The following DNAJC5B variants were observed in gnomAD, a reference collection of about 807,000 sequenced individuals.
DNAJC5B encodes the protein DnaJ heat shock protein family (Hsp40) member C5 beta.
Under a neutral mutation model 24.7 loss-of-function variants are expected in DNAJC5B, and 23 were observed. The observed-to-expected ratio is 0.93, with a 90% confidence interval of 0.67 to 1.32. The LOEUF (loss-of-function observed/expected upper bound fraction) is 1.32, where lower values mean the gene tolerates loss of function less well. DNAJC5B is among the 40% of genes most tolerant of loss of function. The probability of loss-of-function intolerance (pLI) is 0.00; values close to 1 mark genes in which losing one functional copy is unlikely to be tolerated. For missense variants in DNAJC5B, 238 were observed against 240.8 expected, an observed-to-expected ratio of 0.99 and a Z score of 0.08; for synonymous variants, 101 against 90.1, an observed-to-expected ratio of 1.12 and a Z score of -0.68.
chr8:66,074,935 A>G (rs2128963493), intron 3 of DNAJC5B, among the ~76,000 whole-genome samples: 1 of 152,288 alleles, frequency 6.6e-6, no homozygotes, highest in South Asian at 2.1e-4. Context: ...CATTGTTAGG[A>G]GTGTGATAAA....
chr8:66,088,604 C>A (rs1018407713), intron 5 of DNAJC5B, among the ~76,000 whole-genome samples: 3 of 152,170 alleles, frequency 2.0e-5, no homozygotes, highest in Admixed American at 6.5e-5. Context: ...ACACATATAA[C>A]TGAAGGCTTT....
intron 3 of DNAJC5B, among the ~76,000 whole-genome samples, chr8:66,067,965 C>T (rs1807258012): frequency 6.6e-6 from 1 of 152,178 alleles, no homozygotes. Context: ...ATAATAGGAA[C>T]ACCAGTCTTG....
chr8:66,082,961 A>G (rs1718464259), intron 5 of DNAJC5B, among the ~76,000 whole-genome samples: 1 of 148,974 alleles, frequency 6.7e-6, no homozygotes, highest in Admixed American at 6.7e-5. Context: ...TTGCTTCTTC[A>G]TATTAATATA....
chr8:66,033,689 T>C (rs547637496), intron 1 of DNAJC5B, among the ~76,000 whole-genome samples: 2 of 151,796 alleles, frequency 1.3e-5, no homozygotes, highest in East Asian at 3.9e-4. Flanking sequence ...GCCGAACACT[T>C]CCACAAGGAA....
intron 5 of DNAJC5B, among the ~76,000 whole-genome samples, chr8:66,087,190 C>A (rs1237335962): frequency 6.6e-6 from 1 of 152,104 alleles, no homozygotes; most frequent in Non-Finnish European, 1.5e-5. Flanking sequence ...AAGAAGCAAG[C>A]ACCTTCTTCA....
At chr8:66,095,470 A>G (rs1807930795) in intron 5 of DNAJC5B, among the ~76,000 whole-genome samples, 1 of 151,862 alleles carries the variant, frequency 6.6e-6, no homozygotes, top group South Asian at 2.1e-4. Flanking sequence ...CTTCTCAAAT[A>G]AACAACTTTT....
At chr8:66,027,145 G>C (rs1806263031) in intron 1 of DNAJC5B, among the ~76,000 whole-genome samples, 1 of 152,152 alleles carries the variant, frequency 6.6e-6, no homozygotes, top group Admixed American at 6.6e-5. Context: ...TAAGGGTAAA[G>C]GGTATCCTGC....
At chr8:66,088,315 C>T (rs752224548) in intron 5 of DNAJC5B, among the ~76,000 whole-genome samples, 1 of 152,176 alleles carries the variant, frequency 6.6e-6, no homozygotes, top group Non-Finnish European at 1.5e-5. Flanking sequence ...GGGGCCCTGG[C>T]CCTGGCCCAA....
upstream of DNAJC5B, among the ~76,000 whole-genome samples, chr8:66,017,790 G>A (rs1344110071): frequency 1.3e-5 from 2 of 152,096 alleles, no homozygotes; most frequent in Non-Finnish European, 2.9e-5. Flanking sequence ...TATTTTAAAA[G>A]GTACAAAATA....
At chr8:66,023,936 A>T (rs1418781709) in intron 1 of DNAJC5B, among the ~76,000 whole-genome samples, 1 of 152,210 alleles carries the variant, frequency 6.6e-6, no homozygotes, top group Non-Finnish European at 1.5e-5. Flanking sequence ...TTTTCCAATT[A>T]AATTTATTGC....
At chr8:66,048,834 C>A (rs1026865557) in intron 2 of DNAJC5B, among the ~76,000 whole-genome samples, 1 of 152,114 alleles carries the variant, frequency 6.6e-6, no homozygotes, top group Admixed American at 6.6e-5. Context: ...GAGGCCATCC[C>A]CTCCCACTCT....
At chr8:66,048,941 C>A (rs1457384354) in intron 2 of DNAJC5B, among the ~76,000 whole-genome samples, 2 of 152,132 alleles carry the variant, frequency 1.3e-5, no homozygotes, top group African/African-American at 4.8e-5. Context: ...TGGCATGGTT[C>A]CCAAGCAGAA....
At chr8:66,052,388 G>A (rs1806871257) in intron 3 of DNAJC5B, among the ~76,000 whole-genome samples, 1 of 152,036 alleles carries the variant, frequency 6.6e-6, no homozygotes, top group South Asian at 2.1e-4. Flanking sequence ...ATCTTTTGTG[G>A]TCTAGTTCCA....
At chr8:66,076,633 C>G (rs1807469607) in intron 3 of DNAJC5B, 27 bp from the exon 4 acceptor site, 4 of 1,611,702 alleles carry the variant, frequency 2.5e-6, no homozygotes, top group Non-Finnish European at 3.4e-6. Context: ...ATAACACACT[C>G]TCCTTGTTTT....
At chr8:66,058,211 A>G (rs1250862951) in intron 3 of DNAJC5B, among the ~76,000 whole-genome samples, 1 of 152,194 alleles carries the variant, frequency 6.6e-6, no homozygotes, top group Non-Finnish European at 1.5e-5. Context: ...TGGATGTCCC[A>G]TGACTTAAAT....
At chr8:66,078,120 T>G (rs749333096) in intron 4 of DNAJC5B, among the ~76,000 whole-genome samples, 1 of 152,176 alleles carries the variant, frequency 6.6e-6, no homozygotes, top group Non-Finnish European at 1.5e-5. Flanking sequence ...ATCCACCTGA[T>G]GGCACCTCAG....
chr8:66,089,927 A>G (rs1807809983), intron 5 of DNAJC5B, among the ~76,000 whole-genome samples: 1 of 152,208 alleles, frequency 6.6e-6, no homozygotes, highest in Non-Finnish European at 1.5e-5. Context: ...TTATGAATCA[A>G]TCAAGATCAA....
intron 1 of DNAJC5B, among the ~76,000 whole-genome samples, chr8:66,031,258 C>G (rs2128956311): frequency 6.6e-6 from 1 of 152,290 alleles, no homozygotes; most frequent in Middle Eastern, 3.4e-3. Context: ...TTGATACACA[C>G]ATATGTTATT....
At chr8:66,072,807 A>G (rs965430517) in intron 3 of DNAJC5B, among the ~76,000 whole-genome samples, 3 of 152,228 alleles carry the variant, frequency 2.0e-5, no homozygotes, top group Non-Finnish European at 4.4e-5. Flanking sequence ...TTTTAAAAAT[A>G]CATAATGACC....
Sources: allele counts gnomAD v4.1 joint callset (sites outside exome capture counted in the v4.1 genomes callset), GRCh38; gene constraint gnomAD v4.1.1; transcripts MANE v1.5; gene names NCBI Gene and HGNC (gene_info 2026-07-23, HGNC 2026-07-21).